Variants in DNAJB1 observed in about 807,000 individuals in gnomAD.
DNAJB1 encodes DnaJ heat shock protein family (Hsp40) member B1.
In DNAJB1, 14 loss-of-function variants were observed where a neutral mutation model predicts 24.0. The ratio of observed to expected loss-of-function variants is 0.58; its 90% CI spans 0.39 to 0.91. The LOEUF is 0.91. Among genes scored for constraint, DNAJB1 ranks in the 40% least tolerant of loss-of-function variants. DNAJB1 has a pLI of 0.00. For synonymous variants in DNAJB1, 262 were observed against 174.4 expected, an observed-to-expected ratio of 1.50 and a Z score of -3.96; for missense variants, 517 against 458.1, an observed-to-expected ratio of 1.13 and a Z score of -1.17.
Position 14,517,987 on chromosome 19 carries a change from C to CCGAGGGCGGAGGCCCG in DNAJB1, c.211+136_211+151dup, listed in dbSNP as rs1371332654. 11 of 844,624 alleles carry CCGAGGGCGGAGGCCCG rather than the reference C, an allele frequency of 1.3e-5. No homozygotes were observed. In the African/African-American group the frequency reaches 1.4e-4, roughly 11 times the overall value. The allele number at this position is 844,624 out of a possible 1,614,324, so 52.3% of individuals were successfully genotyped here. ...CTCCTCCCACCGCGCGGCCGCCAAT[C>CCGAGGGCGGAGGCCCG]CGAGGGCGGAGGCCCGCGAGGCCGG... is the stretch of plus-strand genomic sequence containing the variant. On this transcript the variant is annotated intron_variant, in intron 1 of 2. Coordinates refer to ENST00000254322, the MANE Select transcript of DNAJB1 (RefSeq NM_006145.3).
At chr19:14,535,736 AAC>A (rs1470720761) in intron 1 of DNAJB1, among the ~76,000 whole-genome samples, 1 of 133,718 alleles carries the variant, frequency 7.5e-6, no homozygotes, top group African/African-American at 2.9e-5. Flanking sequence ...GGTCCTGGGC[AAC>A]AGAGTGAGAC....
chr19:14,559,523 C>A (rs1330693916), intron 1 of DNAJB1, among the ~76,000 whole-genome samples: 1 of 151,134 alleles, frequency 6.6e-6, no homozygotes, highest in Non-Finnish European at 1.5e-5. Flanking sequence ...CCAGGTGGCT[C>A]ACGCCTATAA....
At chr19:14,529,503 C>A (rs1170433807), upstream of DNAJB1, 1 of 746,032 alleles carries the variant, frequency 1.3e-6, no homozygotes, top group South Asian at 1.5e-5. Flanking sequence ...CGGACCGGCC[C>A]CAAGGAGCAG....
chr19:14,529,525 G>T (rs1171251057), upstream of DNAJB1: 3 of 860,078 alleles, frequency 3.5e-6, no homozygotes, highest in Non-Finnish European at 5.8e-6. Context: ...GGCGAACGTG[G>T]GCGCCTCGTG....
At chr19:14,533,126 A>G (rs1330482612), upstream of DNAJB1, among the ~76,000 whole-genome samples, 1 of 150,374 alleles carries the variant, frequency 6.7e-6, no homozygotes, top group East Asian at 2.0e-4. Flanking sequence ...AAAATAAATA[A>G]AGGATATATT....
At chr19:14,540,276 G>A (rs1383804536) in intron 1 of DNAJB1, among the ~76,000 whole-genome samples, 1 of 151,726 alleles carries the variant, frequency 6.6e-6, no homozygotes, top group Non-Finnish European at 1.5e-5. Context: ...CACTGTGTCA[G>A]CCAGGATGGT....
intron 1 of DNAJB1, among the ~76,000 whole-genome samples, chr19:14,558,637 C>A (rs904787516): frequency 3.9e-5 from 6 of 152,198 alleles, no homozygotes; most frequent in African/African-American, 1.4e-4. Flanking sequence ...CCTGCCCTCT[C>A]CCTGCCCGTC....
intron 1 of DNAJB1, among the ~76,000 whole-genome samples, chr19:14,535,669 C>T (rs1258806909): frequency 7.8e-6 from 1 of 128,038 alleles, no homozygotes; most frequent in Non-Finnish European, 1.6e-5. Flanking sequence ...CAGGAGAATT[C>T]GTTTGAACCT....
exon 1 of DNAJB1, among the ~76,000 whole-genome samples, chr19:14,560,066 C>T (rs1242553400): frequency 2.0e-5 from 3 of 152,150 alleles, no homozygotes; most frequent in African/African-American, 7.2e-5. Context: ...CTCCTTGGGC[C>T]TCAGGCTGGC....
Position 14,515,900 on chromosome 19 carries a change from C to G in DNAJB1, c.*40G>C, listed in dbSNP as rs541792196. On this transcript the variant is annotated 3_prime_UTR_variant, in exon 3 of 3. Transcript: ENST00000254322. The stretch of plus-strand genomic sequence containing the variant: ...AGAAAGGTCCAGAAATCCTTGAGCT[C>G]TGGAAAGGTCCCTGGTCAGTCCTTG... 1 of 1,590,668 alleles carries G rather than the reference C, an allele frequency of 6.3e-7. No homozygotes were observed. Among genetic ancestry groups the G allele is most frequent in the Admixed American group, 1.8e-5 (1 of 54,494 alleles).
At chr19:14,520,497 A>G (rs2072347381), upstream of DNAJB1, among the ~76,000 whole-genome samples, 1 of 152,050 alleles carries the variant, frequency 6.6e-6, no homozygotes, top group Admixed American at 6.5e-5. Context: ...AGTTACATAA[A>G]TAACTATCAG....
chr19:14,540,942 C>A (rs1287094477), intron 1 of DNAJB1, among the ~76,000 whole-genome samples: 1 of 152,036 alleles, frequency 6.6e-6, no homozygotes, highest in Non-Finnish European at 1.5e-5. Context: ...TCAAGCCATT[C>A]TTTTGCCTCA....
upstream of DNAJB1, chr19:14,529,666 C>T (rs907232562): frequency 2.5e-6 from 4 of 1,613,744 alleles, no homozygotes; most frequent in Non-Finnish European, 3.4e-6. Flanking sequence ...CAGCAGCAGC[C>T]GCGGAGCAGT....
upstream of DNAJB1, chr19:14,529,930 G>C (rs2072559902): frequency 3.0e-6 from 2 of 664,952 alleles, no homozygotes. Flanking sequence ...TGTTTTGGGG[G>C]TACTTTTTCT....
rs2072237479 is a variant in DNAJB1, at chr19:14,515,387, T to C, written c.*553A>G. On this transcript the variant is annotated 3_prime_UTR_variant, in exon 3 of 3. Transcript: ENST00000254322. Reference sequence around the variant, plus strand: ...GTCCTGCTGGAACGAGAGGTATTGCTTGTGGACGCCAACCAGGCAGTTCTG... The same window carrying C: ...GTCCTGCTGGAACGAGAGGTATTGCCTGTGGACGCCAACCAGGCAGTTCTG... 6.5e-6 allele frequency: 1 copy of C among 153,226 alleles called. No homozygotes were observed. The highest frequency in any genetic ancestry group is 2.0e-4 in the South Asian group (1 of 4,974). 9.5% of individuals were successfully genotyped at this position (153,226 alleles called of 1,614,324 possible).
intron 1 of DNAJB1, among the ~76,000 whole-genome samples, chr19:14,557,133 A>ATGTG (rs1421491943): frequency 6.7e-6 from 1 of 149,738 alleles, no homozygotes; most frequent in Non-Finnish European, 1.5e-5. Flanking sequence ...TTATTTATTT[A>ATGTG]TTTATTTATT....
upstream of DNAJB1, among the ~76,000 whole-genome samples, chr19:14,521,708 G>A (rs1179088094): frequency 2.6e-5 from 4 of 152,008 alleles, no homozygotes; most frequent in East Asian, 1.9e-4. Flanking sequence ...TGCAACCTCC[G>A]CCTCCTGGGT....
intron 2 of DNAJB1, among the ~76,000 whole-genome samples, chr19:14,526,201 T>C (rs1423487236): frequency 6.6e-6 from 1 of 152,194 alleles, no homozygotes; most frequent in African/African-American, 2.4e-5. Flanking sequence ...GGAAATTACT[T>C]TAATAAAGGA....
rs186847769 is a variant in DNAJB1, at chr19:14,540,813, A to G, written c.-214+9395T>C. Among the ~76,000 whole-genome samples the G allele has an allele frequency of 2.2e-3, 332 of 152,060 alleles. 2 individuals are homozygous for G. The highest frequency in any genetic ancestry group is 7.8e-3 in the African/African-American group (322 of 41,468). On this transcript the variant is annotated intron_variant, in intron 1 of 3. Transcript: ENST00000676982. The stretch of plus-strand genomic sequence containing the variant: ...CAAGTAGCTGGGACTGCAGGTGTGT[A>G]TCACTATGTCTGGCTGCTTTTTTTT...
Sources: allele counts gnomAD v4.1 joint callset (sites outside exome capture counted in the v4.1 genomes callset), GRCh38; gene constraint gnomAD v4.1.1; transcripts MANE v1.5; gene names NCBI Gene and HGNC (gene_info 2026-07-23, HGNC 2026-07-21).